Variants in SMURF1 observed in about 807,000 individuals in gnomAD.
SMURF1 encodes E3 ubiquitin-protein ligase SMURF1.
In SMURF1, 44 loss-of-function variants were observed where a neutral mutation model predicts 98.0. The ratio of observed to expected loss-of-function variants is 0.45; its 90% CI spans 0.35 to 0.58. SMURF1 has a LOEUF of 0.58. Ranked by LOEUF, SMURF1 falls within the 20% of genes least tolerant of loss-of-function variation. The pLI is 0.00. For missense variants in SMURF1, 687 were observed against 938.4 expected (o/e 0.73, Z 3.50); for synonymous variants, 396 against 374.9 (o/e 1.06, Z -0.65).
intron 1 of SMURF1, among the ~76,000 whole-genome samples, chr7:99,095,141 G>A (rs1271968605): frequency 1.3e-5 from 2 of 152,154 alleles, no homozygotes; most frequent in East Asian, 1.9e-4. Flanking sequence ...GTGCAATGGC[G>A]CGATCTCGGC....
At chr7:99,083,060 G>A (rs765405558) in intron 1 of SMURF1, among the ~76,000 whole-genome samples, 2 of 152,058 alleles carry the variant, frequency 1.3e-5, no homozygotes, top group Non-Finnish European at 2.9e-5. Context: ...GCGGGGACAG[G>A]AAATAAGGGG....
chr7:99,050,963 G>C, intron 8 of SMURF1: 1 of 1,551,420 alleles, frequency 6.4e-7, no homozygotes, highest in Non-Finnish European at 8.7e-7. Flanking sequence ...TAGAAAAGCT[G>C]CATCTCCCCC....
rs951294592 is a variant in SMURF1, at chr7:99,030,397, T to C, written c.*187A>G. 1.2e-5 allele frequency: 7 copies of C among 591,166 alleles called. No individual in the cohort carries two copies. Among genetic ancestry groups the C allele is most frequent in the African/African-American group, 1.9e-5 (1 of 53,756 alleles). 36.6% of individuals were successfully genotyped at this position (591,166 alleles called of 1,614,324 possible). A position where few individuals can be genotyped will look rare whatever the true frequency, so the allele number is the denominator to read the frequency against. On this transcript the variant is annotated 3_prime_UTR_variant, in exon 18 of 18. Coordinates refer to ENST00000361368, the MANE Select transcript of SMURF1 (RefSeq NM_181349.3). The stretch of plus-strand genomic sequence containing the variant: ...TGGGAGTACTATGGTAAAGGAGGGA[T>C]ATATGGGTGGGAGCCACCAACAAAA...
chr7:99,114,203 C>T (rs1383219930), intron 1 of SMURF1, among the ~76,000 whole-genome samples: 1 of 151,936 alleles, frequency 6.6e-6, no homozygotes, highest in African/African-American at 2.4e-5. Flanking sequence ...TAAGAAAATA[C>T]TATTTAAATT....
rs1454059518 is a variant in SMURF1 at position 99,055,497 on chromosome 7, TA to T, written c.404-633del. 2.0e-5 allele frequency among the ~76,000 whole-genome samples: 3 copies of T among 150,602 alleles called. No homozygotes were observed. The East Asian group carries it at 5.8e-4, about 29-fold the overall frequency. On this transcript the variant is annotated intron_variant, in intron 5 of 17. Transcript: ENST00000361368. The stretch of plus-strand genomic sequence containing the variant: ...AAAAATTAAAAATTAAAAAAAATAA[TA>T]AAAATAAGAAGTTTTTTTGGGGGGG...
At chr7:99,060,810 G>A in intron 2 of SMURF1, 103 bp from the exon 3 acceptor site, 3 of 718,832 alleles carry the variant, frequency 4.2e-6, no homozygotes, top group Non-Finnish European at 6.7e-6. Flanking sequence ...ATTTCAATCA[G>A]CAAAATAAGT....
intron 1 of SMURF1, among the ~76,000 whole-genome samples, chr7:99,138,483 A>G (rs1254580224): frequency 6.6e-6 from 1 of 152,206 alleles, no homozygotes; most frequent in Non-Finnish European, 1.5e-5. Flanking sequence ...CCAATTTTCC[A>G]CACTAGAACC....
In SMURF1 at chr7:99,030,295, C is replaced by CT. The variant is rs397969903; in HGVS notation, c.*288_*289insA. 1.5e-4 allele frequency: 49 copies of CT among 320,388 alleles called. No homozygotes were observed. In the African/African-American group the frequency reaches 3.5e-3, roughly 23 times the overall value. The allele number at this position is 320,388 out of a possible 1,614,324, so 19.8% of individuals were successfully genotyped here. On this transcript the variant is annotated 3_prime_UTR_variant, in exon 18 of 18. Transcript: ENST00000361368. Reference sequence around the variant, plus strand: ...AGCCTTATCACCACATGGGTTGCAACACAGCAGAATATCCTGTGTGACCAA... The same window carrying CT: ...AGCCTTATCACCACATGGGTTGCAACTACAGCAGAATATCCTGTGTGACCAA...
At chr7:99,043,716 A>G (rs998226215) in intron 11 of SMURF1, among the ~76,000 whole-genome samples, 7 of 152,230 alleles carry the variant, frequency 4.6e-5, no homozygotes, top group Non-Finnish European at 8.8e-5. Flanking sequence ...GTGCTGTTCT[A>G]GGAACCGGGG....
chr7:99,049,694 C>G lies in SMURF1; in HGVS notation c.822G>C (p.Val274=), dbSNP rs768809440. 8.2e-5 allele frequency: 133 copies of G among 1,613,912 alleles called. No individual in the cohort carries two copies. Among genetic ancestry groups the G allele is most frequent in the Non-Finnish European group, 1.1e-4 (128 of 1,180,000 alleles). ...GCAGTGGTCCAAGTTCATCACAGTTCACACTGTTAAGGTCTCTACCAAAAT... is the reference window on the plus strand; with the variant it reads ...GCAGTGGTCCAAGTTCATCACAGTTGACACTGTTAAGGTCTCTACCAAAAT... ...DPRIPRDLNS[V]NCDELGPLPP... is the part of the protein sequence containing the mutation. The change falls in exon 9 of 18, where the codon GTG becomes GTC. Residue 274 remains valine (V), a synonymous_variant. Coordinates refer to ENST00000361368, the MANE Select transcript of SMURF1 (RefSeq NM_181349.3).
Position 99,035,725 on chromosome 7 carries a change from G to A in SMURF1, c.1810-9C>T, listed in dbSNP as rs368857986. On this transcript the variant is annotated splice_polypyrimidine_tract_variant and intron_variant, in intron 15 of 17. Transcript: ENST00000361368. ...AGGCCGCCTATGATCAGCTGAGGAG[G>A]TGCAGAAAGGTGAATTACTTCCAAA... 1 of 1,612,602 alleles carries A rather than the reference G, an allele frequency of 6.2e-7. No homozygotes were observed.
Position 99,028,959 on chromosome 7 carries a change from T to TG in SMURF1, c.*1624dup, listed in dbSNP as rs1370201031. 1 of 152,194 alleles carries TG rather than the reference T, an allele frequency of 6.6e-6. No homozygotes were observed. The highest frequency in any genetic ancestry group is 2.4e-5 in the African/African-American group (1 of 41,436). The allele number at this position is 152,194 out of a possible 1,614,324, so 9.4% of individuals were successfully genotyped here. Reference sequence around the variant, plus strand: ...ATGAGACACAGGATGTGCCCACCTGTGGGGGCAAGGCAGAACTTTTCAAAG... The same window carrying TG: ...ATGAGACACAGGATGTGCCCACCTGTGGGGGGCAAGGCAGAACTTTTCAAAG... On this transcript the variant is annotated 3_prime_UTR_variant, in exon 18 of 18. Transcript: ENST00000361368.
chr7:99,046,731 C>CA (rs56788889), intron 10 of SMURF1, among the ~76,000 whole-genome samples: 28,468 of 73,306 alleles, frequency 0.39, 4,587 homozygotes, highest in South Asian at 0.53. Flanking sequence ...GACTCCGTCT[C>CA]AAAAAAAAAA....
intron 1 of SMURF1, among the ~76,000 whole-genome samples, chr7:99,120,431 C>T (rs900243498): frequency 6.6e-6 from 1 of 152,166 alleles, no homozygotes; most frequent in South Asian, 2.1e-4. Context: ...AACAAAGCAA[C>T]TTGTTTCACC....
At chr7:99,057,127 T>C in intron 5 of SMURF1, 78 bp downstream of exon 5, 5 of 1,493,546 alleles carry the variant, frequency 3.3e-6, no homozygotes, top group Non-Finnish European at 4.7e-6. Flanking sequence ...TCAGTGCCTG[T>C]ATGTGAGTTC....
chr7:99,105,090 A>G (rs1309013638), intron 1 of SMURF1, among the ~76,000 whole-genome samples: 1 of 152,228 alleles, frequency 6.6e-6, no homozygotes, highest in Non-Finnish European at 1.5e-5. Flanking sequence ...TTCAAAATGG[A>G]CTCAACAAGA....
At chr7:99,042,751 A>G (rs1169677265) in intron 11 of SMURF1, among the ~76,000 whole-genome samples, 2 of 152,368 alleles carry the variant, frequency 1.3e-5, no homozygotes, top group East Asian at 3.9e-4. Flanking sequence ...TGGCAGATCT[A>G]CGAAGAGTCT....
intron 1 of SMURF1, among the ~76,000 whole-genome samples, chr7:99,086,179 C>G (rs902875313): frequency 1.3e-5 from 2 of 152,006 alleles, no homozygotes; most frequent in African/African-American, 4.8e-5. Context: ...AACTCCGTCT[C>G]TACTAAAAAT....
chr7:99,028,978 T>C lies in SMURF1; in HGVS notation c.*1606A>G, dbSNP rs1794791123. On this transcript the variant is annotated 3_prime_UTR_variant, in exon 18 of 18. Transcript: ENST00000361368. ...CACCTGTGGGGGCAAGGCAGAACTT[T>C]TCAAAGAGGCTAAGCCCACCATTTG... The C allele has an allele frequency of 6.6e-6, 1 of 152,230 alleles. No individual in the cohort carries two copies. The highest frequency in any genetic ancestry group is 1.5e-5 in the Non-Finnish European group (1 of 68,062). 9.4% of individuals were successfully genotyped at this position (152,230 alleles called of 1,614,324 possible). A position where few individuals can be genotyped will look rare whatever the true frequency, so the allele number is the denominator to read the frequency against.
Sources: gnomAD v4.1 joint callset for allele counts (sites outside exome capture counted in the v4.1 genomes callset) on GRCh38, gnomAD v4.1.1 for gene constraint, MANE v1.5 for transcripts, NCBI Gene and HGNC (gene_info 2026-07-23, HGNC 2026-07-21) for gene names.